The following TAF12 variants were observed in gnomAD, a reference collection of about 807,000 sequenced individuals.
The protein encoded by TAF12 is TATA-box binding protein associated factor 12, also known as transcription initiation factor TFIID subunit 12.
A neutral mutation model predicts 20.8 loss-of-function variants in TAF12; 3 were observed. The ratio of observed to expected loss-of-function variants is 0.14; its 90% CI spans 0.07 to 0.37. TAF12 has a LOEUF of 0.37. TAF12 is among the 10% of genes least tolerant of loss of function. The pLI, the probability that TAF12 is intolerant of heterozygous loss-of-function variation, is 1.00. For synonymous variants in TAF12, 69 were observed against 70.2 expected, an observed-to-expected ratio of 0.98 and a Z score of 0.09; for missense variants, 131 against 197.9, an observed-to-expected ratio of 0.66 and a Z score of 2.03.
chr1:28,606,580 G>A (rs1370551253), intron 4 of TAF12, among the ~76,000 whole-genome samples: 2 of 152,130 alleles, frequency 1.3e-5, no homozygotes, highest in Non-Finnish European at 2.9e-5. Flanking sequence ...GTTTCTAAAG[G>A]ACAAAATTCA....
At chr1:28,640,562 A>G (rs1318624890) in intron 1 of TAF12, among the ~76,000 whole-genome samples, 1 of 152,154 alleles carries the variant, frequency 6.6e-6, no homozygotes, top group Non-Finnish European at 1.5e-5. Context: ...GGCTGTGATA[A>G]TTAAATCATA....
chr1:28,641,256 C>T (rs941093054), intron 1 of TAF12, among the ~76,000 whole-genome samples: 55 of 151,842 alleles, frequency 3.6e-4, no homozygotes, highest in African/African-American at 1.3e-3. Flanking sequence ...CTGAGGCGGG[C>T]GGATCACTTG....
At chr1:28,640,377 C>T (rs1055916672) in intron 1 of TAF12, among the ~76,000 whole-genome samples, 22 of 152,246 alleles carry the variant, frequency 1.4e-4, no homozygotes, top group African/African-American at 5.1e-4. Context: ...TTTTGTATAA[C>T]GATTACTTCT....
At chr1:28,608,647 C>T (rs1031132150) in intron 4 of TAF12, among the ~76,000 whole-genome samples, 12 of 150,208 alleles carry the variant, frequency 8.0e-5, no homozygotes, top group African/African-American at 2.0e-4. Flanking sequence ...CCCAGCTAAT[C>T]GGGAGGCTGA....
intron 1 of TAF12, chr1:28,642,743 C>T (rs1668079940): frequency 2.0e-6 from 2 of 985,430 alleles, no homozygotes; most frequent in Non-Finnish European, 2.4e-6. Flanking sequence ...TCCTCTCAGA[C>T]CACTTTCCCT....
intron 1 of TAF12, among the ~76,000 whole-genome samples, chr1:28,637,034 C>A (rs1279699903): frequency 6.6e-6 from 1 of 152,124 alleles, no homozygotes; most frequent in East Asian, 1.9e-4. Context: ...ACCCAACACA[C>A]ATATCCATGT....
intron 1 of TAF12, among the ~76,000 whole-genome samples, chr1:28,631,158 G>A (rs1355421390): frequency 6.6e-6 from 1 of 151,768 alleles, no homozygotes; most frequent in African/African-American, 2.4e-5. Flanking sequence ...CAGTGCAAAG[G>A]CTTGTGGGGG....
At chr1:28,603,705 A>G (rs1171813129) in intron 5 of TAF12, 131 bp from the exon 6 acceptor site, 1 of 836,656 alleles carries the variant, frequency 1.2e-6, no homozygotes, top group Non-Finnish European at 2.0e-6. Flanking sequence ...TGCAGTCACA[A>G]GGCATCTCAG....
intron 1 of TAF12, among the ~76,000 whole-genome samples, chr1:28,626,524 T>G (rs1289003627): frequency 1.5e-5 from 2 of 134,488 alleles, no homozygotes; most frequent in African/African-American, 5.8e-5. Flanking sequence ...GAGGTTGCAG[T>G]GGGCCGAGAT....
At chr1:28,620,481 G>C (rs1667185619) in intron 2 of TAF12, among the ~76,000 whole-genome samples, 2 of 150,288 alleles carry the variant, frequency 1.3e-5, no homozygotes, top group Non-Finnish European at 3.0e-5. Flanking sequence ...TGTCGCCCAG[G>C]CTGGAGTGCA....
chr1:28,623,721 T>C (rs140391790), intron 1 of TAF12, among the ~76,000 whole-genome samples: 16 of 152,298 alleles, frequency 1.1e-4, no homozygotes, highest in African/African-American at 3.1e-4. Context: ...CTATGCCCAA[T>C]AAACATAACT....
chr1:28,646,440 G>C (rs1270183027), upstream of TAF12: 1 of 152,152 alleles, frequency 6.6e-6, no homozygotes, highest in Non-Finnish European at 1.5e-5. Context: ...ACTTTGTAAA[G>C]AGCAGGGAAC....
At chr1:28,640,152 C>G (rs1667986107) in intron 1 of TAF12, among the ~76,000 whole-genome samples, 1 of 152,082 alleles carries the variant, frequency 6.6e-6, no homozygotes, top group African/African-American at 2.4e-5. Flanking sequence ...CCAAATTAGT[C>G]TTTCTTGGCC....
chr1:28,612,585 T>TAA (rs1413201392), intron 4 of TAF12, among the ~76,000 whole-genome samples: 9 of 148,562 alleles, frequency 6.1e-5, no homozygotes, highest in Non-Finnish European at 1.2e-4. Context: ...TACATATATA[T>TAA]AACACATAGT....
At position 28,613,228 on chromosome 1, in the gene TAF12, G is replaced by A. The variant is rs1666924061; in HGVS notation, c.361+19C>T. ...GAAGCAGTTGAATCCATACTTCAGGGAGAAACAAGACCACATACCTAAATG... is the reference window on the plus strand; with the variant it reads ...GAAGCAGTTGAATCCATACTTCAGGAAGAAACAAGACCACATACCTAAATG... On this transcript the variant is annotated intron_variant, in intron 4 of 5. Transcript: ENST00000373824. 6.3e-7 allele frequency: 1 copy of A among 1,587,860 alleles called. No individual in the cohort carries two copies. The highest frequency in any genetic ancestry group is 8.6e-7 in the Non-Finnish European group (1 of 1,164,000).
chr1:28,620,662 T>C (rs1157333593), intron 2 of TAF12, among the ~76,000 whole-genome samples: 1 of 145,566 alleles, frequency 6.9e-6, no homozygotes, highest in African/African-American at 2.6e-5. Flanking sequence ...GGTCTTGATC[T>C]GACCTCGTGA....
intron 1 of TAF12, among the ~76,000 whole-genome samples, chr1:28,642,071 C>G (rs916426363): frequency 1.1e-4 from 17 of 152,136 alleles, no homozygotes; most frequent in African/African-American, 3.9e-4. Flanking sequence ...TGTGCTCATT[C>G]AGGGTTGAGT....
chr1:28,623,602 T>C (rs569156231), intron 1 of TAF12, among the ~76,000 whole-genome samples: 2 of 152,276 alleles, frequency 1.3e-5, no homozygotes, highest in East Asian at 3.9e-4. Flanking sequence ...AATGTTAAAT[T>C]CAAATAAGTC....
chr1:28,620,902 C>T (rs1310038516), intron 2 of TAF12, among the ~76,000 whole-genome samples: 1 of 152,176 alleles, frequency 6.6e-6, no homozygotes, highest in African/African-American at 2.4e-5. Context: ...CGAGCCTTCA[C>T]TACATGTCTT....
Sources: allele counts gnomAD v4.1 joint callset (sites outside exome capture counted in the v4.1 genomes callset), GRCh38; gene constraint gnomAD v4.1.1; transcripts MANE v1.5; gene names NCBI Gene and HGNC (gene_info 2026-07-23, HGNC 2026-07-21).